Variants in SEZ6 observed in about 807,000 individuals in gnomAD.
SEZ6 encodes seizure related 6 homolog.
In SEZ6, 53 loss-of-function variants were observed where a neutral mutation model predicts 101.0. The ratio of observed to expected loss-of-function variants is 0.52; its 90% CI spans 0.42 to 0.66. SEZ6 has a LOEUF of 0.66. Ranked by LOEUF, SEZ6 falls within the 30% of genes least tolerant of loss-of-function variation. The pLI, the probability that SEZ6 is intolerant of heterozygous loss-of-function variation, is 0.00. For synonymous variants in SEZ6, 488 were observed against 512.2 expected, an observed-to-expected ratio of 0.95 and a Z score of 0.64; for missense variants, 1,102 against 1,289.4, an observed-to-expected ratio of 0.85 and a Z score of 2.23.
rs373311285 is a variant in SEZ6, at chr17:28,960,557, C to A, written c.1524G>T (p.Glu508Asp). 1 of 1,593,916 alleles carries A rather than the reference C, an allele frequency of 6.3e-7. No homozygotes were observed. The highest frequency in any genetic ancestry group is 1.8e-5 in the Admixed American group (1 of 56,910). The change falls in exon 7 of 17, where the codon GAG (glutamate) becomes GAT (aspartate). Residue 508 changes from glutamate (E) to aspartate (D), a missense_variant. Physicochemically the swap from Glu to Asp is conservative, Grantham distance 45 (BLOSUM62 2). This residue lies in a region of SEZ6 where 556 missense variants were observed against 735.1 expected (regional missense o/e 0.76). Coordinates refer to ENST00000317338, the MANE Select transcript of SEZ6 (RefSeq NM_178860.5). ...LLSSGKHFFVELSTDSSGAAA... is the reference protein window; with the variant it reads ...LLSSGKHFFVDLSTDSSGAAA... ...CTGCCCCGCTGCTGTCAGTACTGAG[C>A]TCAACAAAGAAGTGTTTGCCAGAGC...
In SEZ6 at chr17:28,956,334, G is replaced by A. The variant is rs1013271898; in HGVS notation, c.2849+16C>T. The A allele has an allele frequency of 1.9e-6, 3 of 1,574,538 alleles. No individual in the cohort carries two copies. Among genetic ancestry groups the A allele is most frequent in the Non-Finnish European group, 2.6e-6 (3 of 1,159,452 alleles). Reference sequence around the variant, plus strand: ...GGTATGCAGGTATGCAGAGCAGAAAGAGAAGCCAGACTCACCTGGAGAAGT... The same window carrying A: ...GGTATGCAGGTATGCAGAGCAGAAAAAGAAGCCAGACTCACCTGGAGAAGT... On this transcript the variant is annotated intron_variant, in intron 15 of 16. Coordinates refer to ENST00000317338, the MANE Select transcript of SEZ6 (RefSeq NM_178860.5).
In SEZ6 at chr17:28,955,295, C is replaced by A; in HGVS notation, c.*667G>T. 1 of 222,586 alleles carries A rather than the reference C, an allele frequency of 4.5e-6. No individual in the cohort carries two copies. Among genetic ancestry groups the A allele is most frequent in the East Asian group, 1.1e-4 (1 of 8,900 alleles). The allele number at this position is 222,586 out of a possible 1,614,324, so 13.8% of individuals were successfully genotyped here. On this transcript the variant is annotated 3_prime_UTR_variant, in exon 17 of 17. Coordinates refer to ENST00000317338, the MANE Select transcript of SEZ6 (RefSeq NM_178860.5). ...GGGTGGTCAGTGGAAAATGGCGTGT[C>A]CTGCTTTGGTGTGGAGCATGAGTGC...
rs552015033 is a variant in SEZ6 at position 29,002,256 on chromosome 17, T to C, written c.55+3559A>G. On this transcript the variant is annotated intron_variant, in intron 1 of 16. Coordinates refer to ENST00000317338, the MANE Select transcript of SEZ6 (RefSeq NM_178860.5). ...AAGGAGCACAGGAAGCTGGAGGGCC[T>C]GGAACTGGATGGATGGAGGGGCTAA... is the stretch of plus-strand genomic sequence containing the variant. Among the ~76,000 whole-genome samples the C allele has an allele frequency of 3.5e-3, 529 of 152,132 alleles. 1 individual carries two copies. Among genetic ancestry groups the C allele is most frequent in the African/African-American group, 0.012 (496 of 41,506 alleles).
intron 7 of SEZ6, 33 bp downstream of exon 7, chr17:28,960,472 C>A (rs1477461047): frequency 3.8e-6 from 6 of 1,571,526 alleles, no homozygotes; most frequent in East Asian, 2.4e-5. Flanking sequence ...CCCCGTGGAC[C>A]CGCCACCCCC....
Position 28,964,167 on chromosome 17 carries a change from G to T in SEZ6, c.1055-20C>A. On this transcript the variant is annotated intron_variant, in intron 4 of 16. Coordinates refer to ENST00000317338, the MANE Select transcript of SEZ6 (RefSeq NM_178860.5). ...GATAGGCTGCAAACAGAGAACGGGT[G>T]ACACTGTGTATGTGTGCAGGGTGGG... is the stretch of plus-strand genomic sequence containing the variant. 1 of 1,553,754 alleles carries T rather than the reference G, an allele frequency of 6.4e-7. No homozygotes were observed. Among genetic ancestry groups the T allele is most frequent in the Non-Finnish European group, 8.7e-7 (1 of 1,147,112 alleles).
rs1321319851 is a variant in SEZ6 at position 28,981,967 on chromosome 17, G to T, written c.128C>A (p.Thr43Lys). 6.2e-7 allele frequency: 1 copy of T among 1,613,408 alleles called. No individual in the cohort carries two copies. Among genetic ancestry groups the T allele is most frequent in the East Asian group, 2.2e-5 (1 of 44,882 alleles). ...PGIEETDGEL[T>K]AAPTPEQPER... ...TGGCTGCTCAGGTGTGGGGGCTGCTGTCAGCTCGCCATCTGTCTCCTCGAT... is the reference window on the plus strand; with the variant it reads ...TGGCTGCTCAGGTGTGGGGGCTGCTTTCAGCTCGCCATCTGTCTCCTCGAT... Residue 43 changes from threonine to lysine, a missense_variant, in exon 2 of 17, where the codon ACA becomes AAA. Physicochemically the swap from Thr to Lys is moderately conservative, Grantham distance 78. Transcript: ENST00000317338.
intron 1 of SEZ6, among the ~76,000 whole-genome samples, chr17:28,990,647 G>A (rs2041443570): frequency 6.6e-6 from 1 of 151,992 alleles, no homozygotes. Context: ...CCACCCAGAA[G>A]TGGACTCAGT....
chr17:28,959,558 G>A lies in SEZ6; in HGVS notation c.1772-86C>T. The A allele has an allele frequency of 6.4e-7, 1 of 1,562,706 alleles. No homozygotes were observed. Among genetic ancestry groups the A allele is most frequent in the Non-Finnish European group, 8.7e-7 (1 of 1,155,656 alleles). On this transcript the variant is annotated intron_variant, in intron 8 of 16. Coordinates refer to ENST00000317338, the MANE Select transcript of SEZ6 (RefSeq NM_178860.5). The surrounding 1 kb of genome is among the most constrained non-coding windows in gnomAD (Gnocchi z 4.4). ...CTGCCCGCAGGAGTGCCCACAAATT[G>A]CTGGGACCCCCCACCTCCTCCTTGG... is the stretch of plus-strand genomic sequence containing the variant.
chr17:28,991,587 A>G (rs1598208419), intron 1 of SEZ6, among the ~76,000 whole-genome samples: 2 of 152,182 alleles, frequency 1.3e-5, no homozygotes, highest in African/African-American at 2.4e-5. Flanking sequence ...TCAGCCTTAC[A>G]GTAGTCACAC....
intron 4 of SEZ6, among the ~76,000 whole-genome samples, chr17:28,966,089 G>A (rs1356792212): frequency 6.6e-6 from 1 of 151,508 alleles, no homozygotes; most frequent in Non-Finnish European, 1.5e-5. Context: ...GTTGCAGTGA[G>A]TCGATATCAT....
intron 5 of SEZ6, 95 bp downstream of exon 5, chr17:28,963,867 G>C: frequency 6.9e-7 from 1 of 1,451,278 alleles, no homozygotes; most frequent in African/African-American, 1.4e-5. Flanking sequence ...TCCTTATGAA[G>C]AGCAAATGAA....
At chr17:28,975,484 C>T (rs1044546122) in intron 3 of SEZ6, among the ~76,000 whole-genome samples, 1 of 152,224 alleles carries the variant, frequency 6.6e-6, no homozygotes, top group Non-Finnish European at 1.5e-5. Context: ...ACACTGAAAC[C>T]CCAGTCTTAC....
intron 3 of SEZ6, among the ~76,000 whole-genome samples, chr17:28,976,059 C>T (rs569047931): frequency 1.3e-5 from 2 of 152,232 alleles, no homozygotes; most frequent in Non-Finnish European, 2.9e-5. Context: ...CAAGAAAGAG[C>T]CTAGCCCAAT....
At chr17:28,998,640 A>G (rs999554098) in intron 1 of SEZ6, among the ~76,000 whole-genome samples, 2 of 151,934 alleles carry the variant, frequency 1.3e-5, no homozygotes, top group South Asian at 2.1e-4. Flanking sequence ...AGTCCCCCCT[A>G]CCCCTTGAGA....
At chr17:28,974,085 A>G (rs1324003571) in intron 3 of SEZ6, among the ~76,000 whole-genome samples, 1 of 152,204 alleles carries the variant, frequency 6.6e-6, no homozygotes, top group East Asian at 1.9e-4. Context: ...GTCTGTCCCC[A>G]TAGAAGCTGT....
At chr17:28,990,852 T>C (rs953358848) in intron 1 of SEZ6, among the ~76,000 whole-genome samples, 2 of 152,096 alleles carry the variant, frequency 1.3e-5, no homozygotes, top group Non-Finnish European at 2.9e-5. Flanking sequence ...CCTCCAAATA[T>C]TCAGGGAGGC....
chr17:28,998,116 G>T (rs903391575), intron 1 of SEZ6, among the ~76,000 whole-genome samples: 1 of 151,944 alleles, frequency 6.6e-6, no homozygotes, highest in Non-Finnish European at 1.5e-5. Flanking sequence ...GAGGGAAGGA[G>T]AAGCTATGGG....
chr17:28,977,374 G>T (rs556622309), intron 3 of SEZ6, among the ~76,000 whole-genome samples: 1 of 152,250 alleles, frequency 6.6e-6, no homozygotes, highest in Non-Finnish European at 1.5e-5. Flanking sequence ...ATCTCAGGCC[G>T]TCCGGGCCGA....
intron 16 of SEZ6, 31 bp downstream of exon 16, chr17:28,956,128 A>G: frequency 6.3e-7 from 1 of 1,587,856 alleles, no homozygotes; most frequent in Non-Finnish European, 8.6e-7. Flanking sequence ...TGGGTCTTGG[A>G]TAGGGTGGCA....
Sources: allele counts gnomAD v4.1 joint callset (sites outside exome capture counted in the v4.1 genomes callset), GRCh38; gene constraint gnomAD v4.1.1; regional missense constraint gnomAD v4.1.1; non-coding constraint Gnocchi (gnomAD v3.1); transcripts MANE v1.5; gene names NCBI Gene and HGNC (gene_info 2026-07-23, HGNC 2026-07-21).